RPGRIP1L: variants seen among roughly 807,000 people sequenced by gnomAD.
The protein encoded by RPGRIP1L is RPGRIP1 like.
Under a neutral mutation model 160.4 loss-of-function variants are expected in RPGRIP1L, and 131 were observed. That is an observed-to-expected ratio of 0.82 (90% CI 0.71 to 0.94). The LOEUF is 0.94. Among genes scored for constraint, RPGRIP1L ranks in the 40% least tolerant of loss-of-function variants. RPGRIP1L has a pLI of 0.00. For synonymous variants in RPGRIP1L, 510 were observed against 515.8 expected, an observed-to-expected ratio of 0.99 and a Z score of 0.15; for missense variants, 1,522 against 1,535.8, an observed-to-expected ratio of 0.99 and a Z score of 0.15.
rs761743167 is a variant in RPGRIP1L, at chr16:53,665,027, C to T, written c.1104-18G>A. The T allele has an allele frequency of 6.2e-7, 1 of 1,613,210 alleles. No homozygotes were observed. The highest frequency in any genetic ancestry group is 1.1e-5 in the South Asian group (1 of 91,070). ...TGAAGGCACTGCAAAACACACGTGACATGCAAGGAAAGCTTGGAAATCAGC... is the reference window on the plus strand; with the variant it reads ...TGAAGGCACTGCAAAACACACGTGATATGCAAGGAAAGCTTGGAAATCAGC... On this transcript the variant is annotated intron_variant, in intron 9 of 26. Coordinates refer to ENST00000647211, the MANE Select transcript of RPGRIP1L (RefSeq NM_015272.5).
rs1039353796 is a variant in RPGRIP1L, at chr16:53,687,748, G to C, written c.632+115C>G. The stretch of plus-strand genomic sequence containing the variant: ...ATCTGTTGTTACCCTACAGAACATA[G>C]CTGTATTTCAGTGGAGCAAACTGTT... On this transcript the variant is annotated intron_variant, in intron 5 of 26. Transcript: ENST00000647211. The C allele has an allele frequency of 5.2e-5, 38 of 725,198 alleles. No homozygotes were observed. The Admixed American group carries it at 7.5e-4, about 14-fold the overall frequency. 44.9% of individuals were successfully genotyped at this position (725,198 alleles called of 1,614,324 possible).
rs886052099 is a variant in RPGRIP1L, at chr16:53,700,740, A to G, written c.-7-10T>C. 5.1e-5 allele frequency: 81 copies of G among 1,602,286 alleles called. No homozygotes were observed. Among genetic ancestry groups the G allele is most frequent in the Non-Finnish European group, 6.7e-5 (79 of 1,171,024 alleles). On this transcript the variant is annotated splice_polypyrimidine_tract_variant and intron_variant, in intron 1 of 26. Coordinates refer to ENST00000647211, the MANE Select transcript of RPGRIP1L (RefSeq NM_015272.5). ...ACCAGACATGGCCTAGCTGTGGAAAAAAGAAAATTCAAATAAACTCTTTCC... is the reference window on the plus strand; with the variant it reads ...ACCAGACATGGCCTAGCTGTGGAAAGAAGAAAATTCAAATAAACTCTTTCC...
chr16:53,638,996 G>A (rs1343631517), intron 19 of RPGRIP1L, among the ~76,000 whole-genome samples: 3 of 149,430 alleles, frequency 2.0e-5, no homozygotes, highest in Admixed American at 1.3e-4. Flanking sequence ...TTTCTTCTTT[G>A]TATTTTCTAA....
At chr16:53,648,623 C>CACACAT (rs1966734304) in intron 16 of RPGRIP1L, among the ~76,000 whole-genome samples, 1 of 71,240 alleles carries the variant, frequency 1.4e-5, no homozygotes, top group Admixed American at 1.5e-4. Flanking sequence ...TGCGCGCGCG[C>CACACAT]GCGCACACAC....
chr16:53,675,162 A>G (rs767261880), intron 6 of RPGRIP1L, 40 bp from the exon 7 acceptor site: 2 of 1,381,624 alleles, frequency 1.4e-6, no homozygotes, highest in South Asian at 2.3e-5. Context: ...ACAGAAGTAA[A>G]AAACGCAAGT....
At chr16:53,605,672 CA>C in intron 25 of RPGRIP1L, 58 bp from the exon 26 acceptor site, 2 of 1,570,498 alleles carry the variant, frequency 1.3e-6, no homozygotes. Flanking sequence ...CACCACGAGA[CA>C]AAACTCCCAA....
chr16:53,702,639 TTAGAG>T (rs1971532652), intron 1 of RPGRIP1L, among the ~76,000 whole-genome samples: 1 of 152,278 alleles, frequency 6.6e-6, no homozygotes, highest in South Asian at 2.1e-4. Context: ...CCATCCTATG[TTAGAG>T]TAGTCTTCCT....
At chr16:53,603,674 ATGTGTG>A (rs3035223) in intron 26 of RPGRIP1L, among the ~76,000 whole-genome samples, 14,399 of 148,018 alleles carry the variant, frequency 0.097, 912 homozygotes, top group East Asian at 0.29. Flanking sequence ...TTGAACTTTA[ATGTGTG>A]TGTGTGTGTG....
intron 9 of RPGRIP1L, among the ~76,000 whole-genome samples, chr16:53,666,750 G>A (rs1425432602): frequency 6.6e-6 from 1 of 152,124 alleles, no homozygotes; most frequent in Non-Finnish European, 1.5e-5. Flanking sequence ...AATAGCATTA[G>A]TACCAGCAAA....
At chr16:53,624,094 G>A (rs1245254363) in intron 22 of RPGRIP1L, among the ~76,000 whole-genome samples, 1 of 152,028 alleles carries the variant, frequency 6.6e-6, no homozygotes, top group Non-Finnish European at 1.5e-5. Flanking sequence ...GTTTCACTAT[G>A]TTGCCCGGAC....
chr16:53,702,861 A>G (rs1375864144), intron 1 of RPGRIP1L, among the ~76,000 whole-genome samples: 1 of 152,134 alleles, frequency 6.6e-6, no homozygotes. Flanking sequence ...TTATCAGATA[A>G]AATTATTGTT....
At chr16:53,626,306 G>A (rs1965174169) in intron 22 of RPGRIP1L, among the ~76,000 whole-genome samples, 1 of 152,108 alleles carries the variant, frequency 6.6e-6, no homozygotes, top group Non-Finnish European at 1.5e-5. Flanking sequence ...AACATGACCG[G>A]TCATTCCTCT....
intron 3 of RPGRIP1L, among the ~76,000 whole-genome samples, chr16:53,692,866 T>C (rs1970482440): frequency 1.3e-5 from 2 of 152,220 alleles, no homozygotes; most frequent in East Asian, 1.9e-4. Flanking sequence ...TGCACACATA[T>C]AAAGCCCAAT....
chr16:53,679,706 G>A (rs1056398159), intron 6 of RPGRIP1L, among the ~76,000 whole-genome samples: 7 of 152,276 alleles, frequency 4.6e-5, no homozygotes, highest in South Asian at 2.1e-4. Flanking sequence ...GTGTCATAAC[G>A]CAGGTTATTT....
chr16:53,674,527 A>G (rs1035381349), intron 7 of RPGRIP1L, among the ~76,000 whole-genome samples: 11 of 152,160 alleles, frequency 7.2e-5, no homozygotes, highest in African/African-American at 2.7e-4. Flanking sequence ...AGAGTAATCA[A>G]ATATTTTCAG....
chr16:53,605,603 G>T lies in RPGRIP1L; in HGVS notation c.3713C>A (p.Thr1238Asn). The T allele has an allele frequency of 6.2e-7, 1 of 1,614,086 alleles. No homozygotes were observed. The highest frequency in any genetic ancestry group is 8.5e-7 in the Non-Finnish European group (1 of 1,180,010). ...QEMPNRSLRFTVVSDPPEDEQ... is the reference protein window; with the variant it reads ...QEMPNRSLRFNVVSDPPEDEQ... ...GTCCTCTGGAGGGTCACTGACCACG[G>T]TGAAGCGAAGGCTGGTAAGGCAGAG... Residue 1238 changes from threonine to asparagine, a missense_variant, in exon 26 of 27, where the codon ACC (threonine) becomes AAC (asparagine). By Grantham distance (65) the Thr-to-Asn change is moderately conservative (BLOSUM62 0). Coordinates refer to ENST00000647211, the MANE Select transcript of RPGRIP1L (RefSeq NM_015272.5).
chr16:53,608,000 T>G, intron 25 of RPGRIP1L: 1 of 984,542 alleles, frequency 1.0e-6, no homozygotes, highest in Non-Finnish European at 1.2e-6. Context: ...AGGACCTGGA[T>G]GGACACAGGG....
At chr16:53,646,367 G>A (rs754980245) in intron 16 of RPGRIP1L, among the ~76,000 whole-genome samples, 15 of 152,034 alleles carry the variant, frequency 9.9e-5, no homozygotes, top group Non-Finnish European at 1.8e-4. Context: ...ACATTCACCC[G>A]CCCACCCAGA....
intron 7 of RPGRIP1L, 55 bp downstream of exon 7, chr16:53,674,962 C>G: frequency 8.2e-7 from 1 of 1,215,358 alleles, no homozygotes; most frequent in Admixed American, 1.8e-5. Flanking sequence ...TTGAATACTA[C>G]TTTTGAATCC....
Sources: allele counts gnomAD v4.1 joint callset (sites outside exome capture counted in the v4.1 genomes callset), GRCh38; gene constraint gnomAD v4.1.1; transcripts MANE v1.5; gene names NCBI Gene and HGNC (gene_info 2026-07-23, HGNC 2026-07-21).